Variants in VSNL1 observed in about 807,000 individuals in gnomAD.
VSNL1 encodes visinin-like protein 1.
A neutral mutation model predicts 20.4 loss-of-function variants in VSNL1; 6 were observed. That is an observed-to-expected ratio of 0.29 (90% confidence interval 0.16 to 0.58). VSNL1 has a LOEUF of 0.58. Among genes scored for constraint, VSNL1 ranks in the 20% least tolerant of loss-of-function variants. The probability of loss-of-function intolerance (pLI) is 0.90; values close to 1 mark genes in which losing one functional copy is unlikely to be tolerated. For missense variants in VSNL1, 100 were observed against 234.5 expected, an observed-to-expected ratio of 0.43 and a Z score of 3.75; for synonymous variants, 93 against 86.4, an observed-to-expected ratio of 1.08 and a Z score of -0.42.
chr2:17,542,767 G>A (rs1177756176), intron 1 of VSNL1, among the ~76,000 whole-genome samples: 2 of 152,090 alleles, frequency 1.3e-5, no homozygotes, highest in East Asian at 1.9e-4. Context: ...AAAAAGGGGG[G>A]AATTAGGTAT....
chr2:17,560,065 C>T (rs1663777993), intron 1 of VSNL1, among the ~76,000 whole-genome samples: 1 of 151,426 alleles, frequency 6.6e-6, no homozygotes, highest in East Asian at 1.9e-4. Flanking sequence ...AAAAAATGTT[C>T]TATGTTCAGT....
chr2:17,623,669 C>CAAAAAA (rs5829599), intron 2 of VSNL1, among the ~76,000 whole-genome samples: 10 of 70,346 alleles, frequency 1.4e-4, no homozygotes, highest in East Asian at 5.1e-4. Flanking sequence ...GACTCCATCT[C>CAAAAAA]AAAAAAAAAA....
chr2:17,576,991 G>C (rs981958625), intron 1 of VSNL1, among the ~76,000 whole-genome samples: 4 of 152,212 alleles, frequency 2.6e-5, no homozygotes, highest in Non-Finnish European at 5.9e-5. Flanking sequence ...ACATCATAGA[G>C]AGTCCTTACA....
chr2:17,602,372 G>A (rs1664840478), intron 2 of VSNL1, among the ~76,000 whole-genome samples: 1 of 152,198 alleles, frequency 6.6e-6, no homozygotes, highest in Admixed American at 6.5e-5. Context: ...CCCCTCACAG[G>A]TGAAATCCAG....
At chr2:17,641,215 A>C (rs1007767565) in intron 2 of VSNL1, among the ~76,000 whole-genome samples, 1 of 152,202 alleles carries the variant, frequency 6.6e-6, no homozygotes, top group Admixed American at 6.5e-5. Flanking sequence ...AGATCAAATA[A>C]GTTTTAGAAC....
chr2:17,626,610 C>T (rs1402082729), intron 2 of VSNL1, among the ~76,000 whole-genome samples: 2 of 137,046 alleles, frequency 1.5e-5, no homozygotes, highest in Non-Finnish European at 3.1e-5. Context: ...AACATTGTCT[C>T]TAAGCTGGCC....
intron 2 of VSNL1, among the ~76,000 whole-genome samples, chr2:17,637,628 CT>C (rs1665785367): frequency 6.6e-6 from 1 of 152,218 alleles, no homozygotes; most frequent in Non-Finnish European, 1.5e-5. Context: ...AGGCTACACT[CT>C]TGCTTTCTGA....
At position 17,655,510 on chromosome 2, in the gene VSNL1, T is replaced by C; in HGVS notation, c.*116T>C. On this transcript the variant is annotated 3_prime_UTR_variant, in exon 4 of 4. Coordinates refer to ENST00000295156, the MANE Select transcript of VSNL1 (RefSeq NM_003385.5). This position sits in a 1 kb window ranked among gnomAD's most constrained non-coding sequence, Gnocchi z 5.2. Reference sequence around the variant, plus strand: ...ACACACACACACACACAAATATTGCTTGGACTACCTATAAATGGACTTGCT... The same window carrying C: ...ACACACACACACACACAAATATTGCCTGGACTACCTATAAATGGACTTGCT... The C allele has an allele frequency of 1.1e-6, 1 of 897,122 alleles. No individual in the cohort carries two copies. 55.6% of individuals were successfully genotyped at this position (897,122 alleles called of 1,614,324 possible).
chr2:17,579,366 C>T (rs939284260), intron 1 of VSNL1, among the ~76,000 whole-genome samples: 2 of 152,174 alleles, frequency 1.3e-5, no homozygotes, highest in South Asian at 2.1e-4. Context: ...CCGCCCGCCT[C>T]GGCCTCCCAA....
At chr2:17,576,000 A>C (rs1385396077) in intron 1 of VSNL1, among the ~76,000 whole-genome samples, 2 of 152,152 alleles carry the variant, frequency 1.3e-5, no homozygotes, top group African/African-American at 2.4e-5. Flanking sequence ...ATTTTTTTGC[A>C]TATTATTTGT....
intron 2 of VSNL1, among the ~76,000 whole-genome samples, chr2:17,637,085 C>T (rs1366517940): frequency 1.3e-5 from 2 of 152,140 alleles, no homozygotes; most frequent in Admixed American, 6.5e-5. Flanking sequence ...GCTGGCTGTC[C>T]GGTTCCTTCC....
intron 2 of VSNL1, among the ~76,000 whole-genome samples, chr2:17,595,967 C>G (rs563347867): frequency 3.9e-5 from 6 of 152,210 alleles, no homozygotes; most frequent in African/African-American, 1.2e-4. Flanking sequence ...TTCAAATATA[C>G]CACTGTTTAT....
Position 17,571,008 on chromosome 2 carries a change from A to G in VSNL1, c.-5-21062A>G, listed in dbSNP as rs138808819. Reference sequence around the variant, plus strand: ...GCCACTGCACTGTAGCCTGGGGAACAGAGCAAGACTCCATCTCAAAAAAAA... The same window carrying G: ...GCCACTGCACTGTAGCCTGGGGAACGGAGCAAGACTCCATCTCAAAAAAAA... On this transcript the variant is annotated intron_variant, in intron 1 of 3. Coordinates refer to ENST00000295156, the MANE Select transcript of VSNL1 (RefSeq NM_003385.5). Among the ~76,000 whole-genome samples the G allele has an allele frequency of 3.9e-5, 6 of 152,294 alleles. No homozygotes were observed. In the East Asian group the frequency reaches 1.2e-3, roughly 29 times the overall value.
intron 1 of VSNL1, among the ~76,000 whole-genome samples, chr2:17,590,658 T>C (rs866372005): frequency 8.5e-5 from 13 of 152,104 alleles, no homozygotes; most frequent in Admixed American, 5.2e-4. Flanking sequence ...AGTGAAAGAA[T>C]TGGCCAATGT....
rs1211210003 is a variant in VSNL1, at chr2:17,655,771, A to AC, written c.*382dup. 5.2e-6 allele frequency: 1 copy of AC among 191,664 alleles called. No individual in the cohort carries two copies. The highest frequency in any genetic ancestry group is 1.1e-5 in the Non-Finnish European group (1 of 91,420). 11.9% of individuals were successfully genotyped at this position (191,664 alleles called of 1,614,324 possible). A position where few individuals can be genotyped will look rare whatever the true frequency, so the allele number is the denominator to read the frequency against. ...ATTACATAATGTTAGTAGCACTGAG[A>AC]CCCCCATGGTAATGTAACTTAATTA... On this transcript the variant is annotated 3_prime_UTR_variant, in exon 4 of 4. Transcript: ENST00000295156. This position sits in a 1 kb window ranked among gnomAD's most constrained non-coding sequence, Gnocchi z 5.2.
chr2:17,653,406 A>G (rs957738265), intron 3 of VSNL1, among the ~76,000 whole-genome samples: 6 of 152,248 alleles, frequency 3.9e-5, no homozygotes, highest in Non-Finnish European at 7.3e-5. Context: ...TTTAAAGGCC[A>G]GGGTGAGAGT....
intron 1 of VSNL1, among the ~76,000 whole-genome samples, chr2:17,587,221 G>C (rs2103371367): frequency 6.6e-6 from 1 of 152,156 alleles, no homozygotes; most frequent in African/African-American, 2.4e-5. Flanking sequence ...GATTCAGCTA[G>C]GCTGATTGCT....
At chr2:17,564,895 G>A (rs1663901783) in intron 1 of VSNL1, among the ~76,000 whole-genome samples, 1 of 152,110 alleles carries the variant, frequency 6.6e-6, no homozygotes, top group Admixed American at 6.6e-5. Flanking sequence ...AAATTAACCT[G>A]AATTTCAATT....
intron 1 of VSNL1, among the ~76,000 whole-genome samples, chr2:17,574,742 C>A (rs1572341167): frequency 1.3e-5 from 2 of 152,216 alleles, no homozygotes; most frequent in South Asian, 2.1e-4. Flanking sequence ...TTATGGAAGA[C>A]TTCGTTATTT....
Sources: gnomAD v4.1 joint callset for allele counts (sites outside exome capture counted in the v4.1 genomes callset) on GRCh38, gnomAD v4.1.1 for gene constraint, Gnocchi (gnomAD v3.1) non-coding constraint, MANE v1.5 for transcripts, NCBI Gene and HGNC (gene_info 2026-07-23, HGNC 2026-07-21) for gene names.